PPP1R2: variants seen among roughly 807,000 people sequenced by gnomAD.
The protein encoded by PPP1R2 is protein phosphatase inhibitor 2.
PPP1R2 carries 16 observed loss-of-function variants against 29.9 expected under a neutral mutation model. That is an observed-to-expected ratio of 0.53 (90% CI 0.36 to 0.81). PPP1R2 has a LOEUF of 0.81. PPP1R2 is among the 30% of genes least tolerant of loss of function. The pLI, the probability that PPP1R2 is intolerant of heterozygous loss-of-function variation, is 0.00. For synonymous variants in PPP1R2, 76 were observed against 91.5 expected (o/e 0.83, Z 0.96); for missense variants, 197 against 252.7 (o/e 0.78, Z 1.49).
At chr3:195,526,424 A>C (rs1160060875) in intron 2 of PPP1R2, among the ~76,000 whole-genome samples, 2 of 152,114 alleles carry the variant, frequency 1.3e-5, no homozygotes, top group African/African-American at 4.8e-5. Context: ...AAGAAAAAAG[A>C]AAGTCATGGA....
In PPP1R2 at chr3:195,543,045, C is replaced by G. The variant is rs1232668939; in HGVS notation, c.-20G>C. The G allele has an allele frequency of 6.3e-7, 1 of 1,594,296 alleles. No individual in the cohort carries two copies. Among genetic ancestry groups the G allele is most frequent in the African/African-American group, 1.3e-5 (1 of 74,374 alleles). ...CGCCATTGCCGGGCGCTCCGGCTGT[C>G]GGCTCAGGGTCGCTGCTTGGCGTGG... is the stretch of plus-strand genomic sequence containing the variant. On this transcript the variant is annotated 5_prime_UTR_variant, in exon 1 of 6. Transcript: ENST00000618156.
chr3:195,514,936 G>A lies in PPP1R2; in HGVS notation c.*1960C>T, dbSNP rs942144216. The A allele has an allele frequency of 6.1e-6, 1 of 163,208 alleles. No individual in the cohort carries two copies. The highest frequency in any genetic ancestry group is 2.4e-5 in the African/African-American group (1 of 41,146). 10.1% of individuals were successfully genotyped at this position (163,208 alleles called of 1,614,324 possible). A position where few individuals can be genotyped will look rare whatever the true frequency, so the allele number is the denominator to read the frequency against. ...TTTGTGATTTAAATTTCAAAAAATAGTTTGTAGAAAACACAAAAAGAATCA... is the reference window on the plus strand; with the variant it reads ...TTTGTGATTTAAATTTCAAAAAATAATTTGTAGAAAACACAAAAAGAATCA... On this transcript the variant is annotated 3_prime_UTR_variant, in exon 6 of 6. Coordinates refer to ENST00000618156, the MANE Select transcript of PPP1R2 (RefSeq NM_006241.8).
chr3:195,518,522 G>A (rs1282290886), intron 5 of PPP1R2, among the ~76,000 whole-genome samples: 3 of 151,700 alleles, frequency 2.0e-5, no homozygotes, highest in African/African-American at 7.3e-5. Flanking sequence ...GTGGTGGCAG[G>A]CGCCTGTAAT....
chr3:195,522,329 A>G (rs369478998), intron 4 of PPP1R2, among the ~76,000 whole-genome samples: 4 of 152,214 alleles, frequency 2.6e-5, no homozygotes, highest in African/African-American at 7.2e-5. Context: ...TCCCTAAGCT[A>G]TCTACTGTCA....
chr3:195,531,899 C>T (rs910898462), intron 1 of PPP1R2, among the ~76,000 whole-genome samples: 26 of 152,226 alleles, frequency 1.7e-4, no homozygotes, highest in African/African-American at 6.0e-4. Context: ...CACCATTCTA[C>T]TTCTATCTCT....
intron 1 of PPP1R2, among the ~76,000 whole-genome samples, chr3:195,531,545 G>C (rs1376184018): frequency 6.6e-6 from 1 of 152,138 alleles, no homozygotes; most frequent in Non-Finnish European, 1.5e-5. Context: ...AGGTGACTTC[G>C]TATTCTTTTG....
Position 195,543,189 on chromosome 3 carries a change from A to G in PPP1R2, c.-164T>C, listed in dbSNP as rs11475. The G allele has an allele frequency of 0.33, 316,656 of 952,676 alleles. 56,672 individuals are homozygous for G. The highest frequency in any genetic ancestry group is 0.51 in the Admixed American group (14,606 of 28,690). The allele number at this position is 952,676 out of a possible 1,614,324, so 59.0% of individuals were successfully genotyped here. ...CGGCTACCGCAGCGGTTGTCACGAC[A>G]CAACGACCCCGACGCCAGAGCCAAC... On this transcript the variant is annotated 5_prime_UTR_variant, in exon 1 of 6. Transcript: ENST00000618156.
In PPP1R2 at chr3:195,525,678, G is replaced by A. The variant is rs1002698742; in HGVS notation, c.231-782C>T. On this transcript the variant is annotated intron_variant, in intron 2 of 5. Coordinates refer to ENST00000618156, the MANE Select transcript of PPP1R2 (RefSeq NM_006241.8). ...ATTTCGGAAGTTTACAAGTGATTTA[G>A]CTTTCTCACTCTACCCTCTAATGAA... Among the ~76,000 whole-genome samples the A allele has an allele frequency of 3.9e-5, 6 of 152,146 alleles. No homozygotes were observed. In the East Asian group the frequency reaches 5.8e-4, roughly 15 times the overall value.
Position 195,515,067 on chromosome 3 carries a change from A to G in PPP1R2, c.*1829T>C. ...TAAGAACTCAGAAACAAGAAAACCA[A>G]AATCAGAGGGTGCATGAATATATGT... On this transcript the variant is annotated 3_prime_UTR_variant, in exon 6 of 6. Transcript: ENST00000618156. 3.4e-6 allele frequency: 1 copy of G among 294,214 alleles called. No homozygotes were observed. The highest frequency in any genetic ancestry group is 7.0e-6 in the Non-Finnish European group (1 of 142,294). The allele number at this position is 294,214 out of a possible 1,614,324, so 18.2% of individuals were successfully genotyped here. A position where few individuals can be genotyped will look rare whatever the true frequency, so the allele number is the denominator to read the frequency against.
chr3:195,524,033 A>G (rs1472472877), intron 3 of PPP1R2, among the ~76,000 whole-genome samples: 1 of 151,728 alleles, frequency 6.6e-6, no homozygotes, highest in Admixed American at 6.6e-5. Context: ...GGTTGCAATG[A>G]GCTTTGATTG....
chr3:195,536,274 C>T (rs1370757393), intron 1 of PPP1R2, among the ~76,000 whole-genome samples: 2 of 109,102 alleles, frequency 1.8e-5, no homozygotes, highest in African/African-American at 3.6e-5. Context: ...ACCTGGGCAA[C>T]ATAGCGAGAC....
Position 195,524,911 on chromosome 3 carries a change from A to C in PPP1R2, c.231-15T>G, listed in dbSNP as rs1367127182. The C allele has an allele frequency of 6.2e-7, 1 of 1,607,962 alleles. No individual in the cohort carries two copies. Among genetic ancestry groups the C allele is most frequent in the Non-Finnish European group, 8.5e-7 (1 of 1,174,762 alleles). On this transcript the variant is annotated splice_polypyrimidine_tract_variant and intron_variant, in intron 2 of 5. Coordinates refer to ENST00000618156, the MANE Select transcript of PPP1R2 (RefSeq NM_006241.8). ...CCCCCATCATACTAGTATGACAAGC[A>C]CATTGTAATTAATACCTGAAACATA...
intron 1 of PPP1R2, among the ~76,000 whole-genome samples, chr3:195,537,519 G>GTGTGTGTGTGTGTGTGTGTT (rs1338052818): frequency 8.7e-5 from 13 of 150,280 alleles, no homozygotes; most frequent in Non-Finnish European, 1.6e-4. Context: ...GTGTGTGTGT[G>GTGTGTGTGTGTGTGTGTGTT]TTTCCATTTC....
chr3:195,534,900 C>T (rs1350581994), intron 1 of PPP1R2, among the ~76,000 whole-genome samples: 1 of 152,126 alleles, frequency 6.6e-6, no homozygotes, highest in Non-Finnish European at 1.5e-5. Context: ...GACAATGTCT[C>T]TCTTTGGCCA....
intron 3 of PPP1R2, among the ~76,000 whole-genome samples, chr3:195,524,086 T>G (rs1159271273): frequency 2.1e-5 from 3 of 142,622 alleles, no homozygotes; most frequent in Non-Finnish European, 4.6e-5. Flanking sequence ...AGGCCCTGTC[T>G]CAAAAAAAAA....
chr3:195,518,448 G>A (rs1262383867), intron 5 of PPP1R2, among the ~76,000 whole-genome samples: 1 of 151,826 alleles, frequency 6.6e-6, no homozygotes. Context: ...TCAGGAGATT[G>A]GGACCATCCT....
intron 1 of PPP1R2, among the ~76,000 whole-genome samples, chr3:195,536,788 C>CAAAAAAA (rs10717955): frequency 2.8e-5 from 2 of 72,498 alleles, no homozygotes; most frequent in African/African-American, 1.0e-4. Context: ...AACTCCGTCT[C>CAAAAAAA]AAAAAAAAAA....
chr3:195,538,685 T>C (rs1243578437), intron 1 of PPP1R2, among the ~76,000 whole-genome samples: 1 of 152,134 alleles, frequency 6.6e-6, no homozygotes, highest in East Asian at 1.9e-4. Context: ...AAGACTACTA[T>C]AGAATTTGAA....
At chr3:195,517,053 A>C in intron 5 of PPP1R2, 111 bp from the exon 6 acceptor site, 1 of 829,344 alleles carries the variant, frequency 1.2e-6, no homozygotes, top group Admixed American at 2.2e-5. Context: ...TTTAAAAACA[A>C]ATAAGGTATA....
Sources: allele counts gnomAD v4.1 joint callset (sites outside exome capture counted in the v4.1 genomes callset), GRCh38; gene constraint gnomAD v4.1.1; transcripts MANE v1.5; gene names NCBI Gene and HGNC (gene_info 2026-07-23, HGNC 2026-07-21).